Variants in NR5A2 observed in about 807,000 individuals in gnomAD.
NR5A2 encodes the protein nuclear receptor subfamily 5 group A member 2.
Under a neutral mutation model 62.7 loss-of-function variants are expected in NR5A2, and 26 were observed. The observed-to-expected ratio is 0.41, with a 90% CI of 0.30 to 0.58. NR5A2 has a LOEUF of 0.58. Among genes scored for constraint, NR5A2 ranks in the 20% least tolerant of loss-of-function variants. NR5A2 has a pLI of 0.22. For synonymous variants in NR5A2, 246 were observed against 241.7 expected (o/e 1.02, Z -0.16); for missense variants, 541 against 669.1 (o/e 0.81, Z 2.11).
intron 7 of NR5A2, among the ~76,000 whole-genome samples, chr1:200,125,159 T>C (rs981750597): frequency 2.0e-5 from 3 of 152,156 alleles, no homozygotes; most frequent in Non-Finnish European, 4.4e-5. Context: ...AAAGCTAACG[T>C]GAAGAAAAAT....
At chr1:200,042,666 G>GC (rs1662160793) in intron 2 of NR5A2, among the ~76,000 whole-genome samples, 1 of 152,256 alleles carries the variant, frequency 6.6e-6, no homozygotes, top group South Asian at 2.1e-4. Context: ...GCCGAAGAGT[G>GC]CCCGGGGGAG....
chr1:200,029,222 A>T (rs988780777), intron 1 of NR5A2: 1 of 228,268 alleles, frequency 4.4e-6, no homozygotes, highest in Non-Finnish European at 8.5e-6. Flanking sequence ...CTGCGCGCGC[A>T]CGGGGGACGC....
chr1:200,055,543 G>A (rs1662877715), intron 5 of NR5A2, among the ~76,000 whole-genome samples: 1 of 152,116 alleles, frequency 6.6e-6, no homozygotes, highest in Non-Finnish European at 1.5e-5. Flanking sequence ...ATCCTGCTCG[G>A]TGTCTACCAC....
rs769312861 is a variant in NR5A2, at chr1:200,048,664, A to G, written c.956A>G (p.Gln319Arg). 2 of 1,614,236 alleles carry G rather than the reference A, an allele frequency of 1.2e-6. No homozygotes were observed. The highest frequency in any genetic ancestry group is 1.7e-6 in the Non-Finnish European group (2 of 1,180,044). Reference protein sequence around the residue: ...LKCEPDEPQVQAKIMAYLQQE... With the variant: ...LKCEPDEPQVRAKIMAYLQQE... Reference sequence around the variant, plus strand: ...TGTGAGCCAGATGAGCCTCAAGTCCAGGCTAAAATCATGGCCTATTTGCAG... The same window carrying G: ...TGTGAGCCAGATGAGCCTCAAGTCCGGGCTAAAATCATGGCCTATTTGCAG... The change falls in exon 5 of 8, where the codon CAG (glutamine) becomes CGG (arginine). Residue 319 changes from glutamine (Q) to arginine (R), a missense_variant. Coordinates refer to ENST00000367362, the MANE Select transcript of NR5A2 (RefSeq NM_205860.3). This position sits in a 1 kb window ranked among gnomAD's most constrained non-coding sequence, Gnocchi z 4.8.
At chr1:200,040,972 C>G (rs1662042511) in intron 2 of NR5A2, among the ~76,000 whole-genome samples, 1 of 152,166 alleles carries the variant, frequency 6.6e-6, no homozygotes, top group African/African-American at 2.4e-5. Flanking sequence ...GCTGAAGCCC[C>G]GGAGGCTGAC....
chr1:200,034,600 G>C (rs114729436), intron 1 of NR5A2, among the ~76,000 whole-genome samples: 1,856 of 131,566 alleles, frequency 0.014, 39 homozygotes, highest in African/African-American at 0.044. Flanking sequence ...GGTTGCCCGG[G>C]GGGGTGGGTG....
intron 7 of NR5A2, among the ~76,000 whole-genome samples, chr1:200,162,362 TAGGG>T (rs1477197348): frequency 2.7e-5 from 4 of 150,342 alleles, no homozygotes; most frequent in Non-Finnish European, 5.9e-5. Context: ...AAATAAAGGT[TAGGG>T]GAAGAAAGTT....
chr1:200,066,746 C>T (rs1663494670), intron 5 of NR5A2, among the ~76,000 whole-genome samples: 1 of 151,974 alleles, frequency 6.6e-6, no homozygotes, highest in Non-Finnish European at 1.5e-5. Flanking sequence ...CACCACCATG[C>T]CCAGCTAATT....
intron 5 of NR5A2, among the ~76,000 whole-genome samples, chr1:200,104,942 C>T (rs912740816): frequency 1.8e-4 from 27 of 152,096 alleles, no homozygotes; most frequent in African/African-American, 5.1e-4. Context: ...GCATTACAGG[C>T]GTGAACCACC....
intron 5 of NR5A2, among the ~76,000 whole-genome samples, chr1:200,063,268 C>T (rs1663312844): frequency 1.3e-5 from 2 of 152,082 alleles, no homozygotes; most frequent in Admixed American, 6.6e-5. Flanking sequence ...TCATGATCCA[C>T]CTCCCTCGGC....
In NR5A2 at chr1:200,048,404, T is replaced by C; in HGVS notation, c.696T>C (p.Pro232=). 4 of 1,614,200 alleles carry C rather than the reference T, an allele frequency of 2.5e-6. No homozygotes were observed. Among genetic ancestry groups the C allele is most frequent in the Non-Finnish European group, 3.4e-6 (4 of 1,180,026 alleles). Residue 232 remains proline, a synonymous_variant, in exon 5 of 8, where the codon CCT becomes CCC. Coordinates refer to ENST00000367362, the MANE Select transcript of NR5A2 (RefSeq NM_205860.3). This position sits in a 1 kb window ranked among gnomAD's most constrained non-coding sequence, Gnocchi z 4.8. ...GLPLNHAALP[P]TDYDRSPFVT... ...CTCTGAACCATGCTGCCTTGCCTCCTACAGACTATGACAGAAGTCCCTTTG... is the reference window on the plus strand; with the variant it reads ...CTCTGAACCATGCTGCCTTGCCTCCCACAGACTATGACAGAAGTCCCTTTG...
At chr1:200,132,095 C>T (rs2010345) in intron 7 of NR5A2, among the ~76,000 whole-genome samples, 75,212 of 151,922 alleles carry the variant, frequency 0.5, 18,933 homozygotes, top group East Asian at 0.69. Context: ...CTGCAACCTC[C>T]GCCTCCTGGG....
intron 7 of NR5A2, among the ~76,000 whole-genome samples, chr1:200,124,625 AC>A (rs1460856683): frequency 6.6e-6 from 1 of 152,196 alleles, no homozygotes; most frequent in Non-Finnish European, 1.5e-5. Flanking sequence ...GTAGGGACTT[AC>A]AAAATGTTTA....
intron 7 of NR5A2, among the ~76,000 whole-genome samples, chr1:200,162,340 T>A (rs1653680610): frequency 6.6e-6 from 1 of 152,022 alleles, no homozygotes; most frequent in African/African-American, 2.4e-5. Flanking sequence ...AGGAGATTGG[T>A]CAAAATTATC....
intron 6 of NR5A2, among the ~76,000 whole-genome samples, chr1:200,117,715 T>C (rs1046487993): frequency 1.3e-5 from 2 of 150,664 alleles, no homozygotes; most frequent in Non-Finnish European, 3.0e-5. Context: ...GATTTTTTTT[T>C]CTTTTCTTTT....
At chr1:200,169,206 C>T (rs1654057096) in intron 7 of NR5A2, among the ~76,000 whole-genome samples, 1 of 151,036 alleles carries the variant, frequency 6.6e-6, no homozygotes, top group African/African-American at 2.4e-5. Flanking sequence ...GAGACTCTGT[C>T]CCTATTTATT....
intron 7 of NR5A2, among the ~76,000 whole-genome samples, chr1:200,133,735 T>G (rs1315282924): frequency 1.3e-5 from 2 of 151,848 alleles, no homozygotes; most frequent in East Asian, 3.9e-4. Context: ...CTATATACTT[T>G]GAAGTTATTT....
intron 1 of NR5A2, among the ~76,000 whole-genome samples, chr1:200,036,400 AG>A (rs1263572361): frequency 6.6e-6 from 1 of 152,144 alleles, no homozygotes; most frequent in African/African-American, 2.4e-5. Context: ...GCAGAATTGA[AG>A]GGTCAAAGGA....
chr1:200,127,167 C>T (rs191072188), intron 7 of NR5A2, among the ~76,000 whole-genome samples: 17 of 152,258 alleles, frequency 1.1e-4, no homozygotes, highest in African/African-American at 3.9e-4. Flanking sequence ...CTAATAACCC[C>T]AAATGACAGT....
Sources: gnomAD v4.1 joint callset for allele counts (sites outside exome capture counted in the v4.1 genomes callset) on GRCh38, gnomAD v4.1.1 for gene constraint, Gnocchi (gnomAD v3.1) non-coding constraint, MANE v1.5 for transcripts, NCBI Gene and HGNC (gene_info 2026-07-23, HGNC 2026-07-21) for gene names.